The following PCDH9 variants were observed in gnomAD, a reference collection of about 807,000 sequenced individuals.
PCDH9 encodes the protein protocadherin-9.
A neutral mutation model predicts 70.6 loss-of-function variants in PCDH9; 24 were observed. The observed-to-expected ratio is 0.34, with a 90% CI of 0.25 to 0.48. The LOEUF (loss-of-function observed/expected upper bound fraction) is 0.48, where lower values mean the gene tolerates loss of function less well. Ranked by LOEUF, PCDH9 falls within the 20% of genes least tolerant of loss-of-function variation. The pLI, the probability that PCDH9 is intolerant of heterozygous loss-of-function variation, is 0.99. For missense variants in PCDH9, 1,281 were observed against 1,503.6 expected (o/e 0.85, Z 2.45); for synonymous variants, 562 against 558.5 (o/e 1.01, Z -0.09).
At chr13:66,974,231 C>T (rs2083576100) in intron 2 of PCDH9, among the ~76,000 whole-genome samples, 1 of 151,948 alleles carries the variant, frequency 6.6e-6, no homozygotes. Context: ...TACAATGCAT[C>T]CTCTCAACTA....
At chr13:67,206,057 T>G (rs549641061) in intron 2 of PCDH9, 1 of 152,328 alleles carries the variant, frequency 6.6e-6, no homozygotes, top group East Asian at 1.9e-4. Context: ...TCTAGGCAGC[T>G]CTCAAACTCC....
At chr13:66,485,076 T>C (rs1431828352) in intron 4 of PCDH9, among the ~76,000 whole-genome samples, 1 of 152,206 alleles carries the variant, frequency 6.6e-6, no homozygotes, top group Admixed American at 6.5e-5. Context: ...TTTGCAAGAA[T>C]GTGAAATAGA....
At chr13:66,863,177 A>T (rs79891274) in intron 3 of PCDH9, among the ~76,000 whole-genome samples, 2,023 of 152,296 alleles carry the variant, frequency 0.013, 44 homozygotes, top group African/African-American at 0.046. Context: ...ACAAATAAAA[A>T]CTGCTTAGAT....
chr13:67,192,187 G>A (rs1010800681), intron 2 of PCDH9, among the ~76,000 whole-genome samples: 12 of 151,770 alleles, frequency 7.9e-5, no homozygotes, highest in South Asian at 2.1e-4. Flanking sequence ...AATATAATAC[G>A]TATTCTTCCA....
intron 3 of PCDH9, among the ~76,000 whole-genome samples, chr13:66,862,381 G>C (rs773169811): frequency 7.2e-5 from 11 of 152,136 alleles, no homozygotes; most frequent in South Asian, 2.1e-4. Flanking sequence ...GATATGTCTA[G>C]CAATTTTCAG....
intron 4 of PCDH9, among the ~76,000 whole-genome samples, chr13:66,524,864 G>A (rs2138618518): frequency 6.6e-6 from 1 of 152,158 alleles, no homozygotes; most frequent in African/African-American, 2.4e-5. Context: ...ACCAAAATTT[G>A]TAGATACCTC....
At chr13:66,908,105 C>A (rs2082393810) in intron 2 of PCDH9, among the ~76,000 whole-genome samples, 1 of 152,238 alleles carries the variant, frequency 6.6e-6, no homozygotes, top group South Asian at 2.1e-4. Flanking sequence ...GTATCTTCAA[C>A]TTCTCTCTAT....
chr13:66,810,324 A>C (rs1479754856), intron 3 of PCDH9, among the ~76,000 whole-genome samples: 2 of 152,034 alleles, frequency 1.3e-5, no homozygotes, highest in Non-Finnish European at 2.9e-5. Context: ...TTGGCTAATC[A>C]AAAGCAATCA....
At chr13:67,143,904 A>G (rs2087458068) in intron 2 of PCDH9, among the ~76,000 whole-genome samples, 1 of 152,192 alleles carries the variant, frequency 6.6e-6, no homozygotes, top group Non-Finnish European at 1.5e-5. Context: ...GTGCATCCCT[A>G]CAGATAATAA....
At chr13:67,047,001 T>C (rs2085234443) in intron 2 of PCDH9, among the ~76,000 whole-genome samples, 1 of 152,176 alleles carries the variant, frequency 6.6e-6, no homozygotes, top group Non-Finnish European at 1.5e-5. Context: ...GAGCAATGCA[T>C]ATAAATGACT....
chr13:67,201,450 A>T (rs1276521707), intron 2 of PCDH9: 2 of 152,036 alleles, frequency 1.3e-5, no homozygotes, highest in Non-Finnish European at 2.9e-5. Flanking sequence ...TATAGGTATT[A>T]AGATGCATCC....
intron 2 of PCDH9, among the ~76,000 whole-genome samples, chr13:67,086,355 C>A (rs920778264): frequency 1.3e-5 from 2 of 152,164 alleles, no homozygotes; most frequent in African/African-American, 4.8e-5. Context: ...AGTTACACAG[C>A]ACAAACTTTG....
In PCDH9 at chr13:66,701,693, T is replaced by A. The variant is rs74093148; in HGVS notation, c.3139-70282A>T. 1.5e-3 allele frequency among the ~76,000 whole-genome samples: 226 copies of A among 150,490 alleles called. 2 individuals are homozygous for A. Among genetic ancestry groups the A allele is most frequent in the African/African-American group, 5.5e-3 (220 of 39,976 alleles). On this transcript the variant is annotated intron_variant, in intron 3 of 4. Coordinates refer to ENST00000377865, the MANE Select transcript of PCDH9 (RefSeq NM_203487.3). Reference sequence around the variant, plus strand: ...TTGCTATTGTTTGGTTTTGTTTGTATTTTTTTTCAGTAACAAGATAATTTC... The same window carrying A: ...TTGCTATTGTTTGGTTTTGTTTGTAATTTTTTTCAGTAACAAGATAATTTC...
intron 2 of PCDH9, chr13:67,219,706 T>C (rs998236513): frequency 2.0e-5 from 3 of 152,022 alleles, no homozygotes; most frequent in African/African-American, 7.2e-5. Flanking sequence ...TGTAATAAAT[T>C]GTGGAAAAAA....
chr13:66,495,753 C>T (rs1392037845), intron 4 of PCDH9, among the ~76,000 whole-genome samples: 1 of 152,148 alleles, frequency 6.6e-6, no homozygotes, highest in Non-Finnish European at 1.5e-5. Context: ...CTGTGCATTC[C>T]ACTTCAGGCT....
At chr13:66,506,000 G>A (rs1355120544) in intron 4 of PCDH9, among the ~76,000 whole-genome samples, 1 of 151,998 alleles carries the variant, frequency 6.6e-6, no homozygotes, top group Non-Finnish European at 1.5e-5. Context: ...AAGGCAGGAG[G>A]GTAATCTGTA....
At chr13:66,640,785 C>T (rs191146630) in intron 3 of PCDH9, among the ~76,000 whole-genome samples, 29 of 152,178 alleles carry the variant, frequency 1.9e-4, no homozygotes, top group African/African-American at 5.1e-4. Flanking sequence ...ATGCTCATGA[C>T]GGATTGTTAA....
At chr13:66,441,921 G>T (rs544671916) in intron 4 of PCDH9, among the ~76,000 whole-genome samples, 1 of 152,078 alleles carries the variant, frequency 6.6e-6, no homozygotes, top group Admixed American at 6.6e-5. Context: ...TATATGCTAA[G>T]ATTACATCCA....
chr13:66,452,376 T>G (rs1021775070), intron 4 of PCDH9, among the ~76,000 whole-genome samples: 1 of 152,164 alleles, frequency 6.6e-6, no homozygotes, highest in Non-Finnish European at 1.5e-5. Flanking sequence ...TTTGCCAAGT[T>G]TTAAACTCTG....
Sources: allele counts gnomAD v4.1 joint callset (sites outside exome capture counted in the v4.1 genomes callset), GRCh38; gene constraint gnomAD v4.1.1; transcripts MANE v1.5; gene names NCBI Gene and HGNC (gene_info 2026-07-23, HGNC 2026-07-21).